Variants in GDPD4 observed in about 807,000 individuals in gnomAD.
GDPD4 encodes the protein glycerophosphodiester phosphodiesterase domain containing 4.
In GDPD4, 60 loss-of-function variants were observed where a neutral mutation model predicts 67.8. The ratio of observed to expected loss-of-function variants is 0.88; its 90% CI spans 0.72 to 1.10. The LOEUF is 1.10. Ranked by LOEUF, GDPD4 falls within the 50% of genes least tolerant of loss-of-function variation. GDPD4 has a pLI of 0.00. For synonymous variants in GDPD4, 212 were observed against 210.9 expected, an observed-to-expected ratio of 1.00 and a Z score of -0.04; for missense variants, 623 against 613.9, an observed-to-expected ratio of 1.01 and a Z score of -0.16.
chr11:77,248,348 A>C (rs1443543619), intron 11 of GDPD4, among the ~76,000 whole-genome samples: 70 of 151,766 alleles, frequency 4.6e-4, no homozygotes, highest in Non-Finnish European at 8.8e-4. Flanking sequence ...GATTACAGGC[A>C]TGCACGATGA....
intron 1 of GDPD4, among the ~76,000 whole-genome samples, chr11:77,290,350 A>G (rs1279409737): frequency 6.6e-6 from 1 of 152,230 alleles, no homozygotes; most frequent in African/African-American, 2.4e-5. Flanking sequence ...TCTCCAGGAT[A>G]GACTACATGT....
chr11:77,234,361 T>C (rs1328664072), intron 13 of GDPD4, among the ~76,000 whole-genome samples: 2 of 152,206 alleles, frequency 1.3e-5, no homozygotes, highest in Non-Finnish European at 2.9e-5. Context: ...ATTCCTTGTT[T>C]GTTTAAATTT....
In GDPD4 at chr11:77,216,858, T is replaced by C. The variant is rs1399172562; in HGVS notation, c.*419A>G. 1 of 647,340 alleles carries C rather than the reference T, an allele frequency of 1.5e-6. No homozygotes were observed. The highest frequency in any genetic ancestry group is 2.4e-5 in the Admixed American group (1 of 42,524). The allele number at this position is 647,340 out of a possible 1,614,324, so 40.1% of individuals were successfully genotyped here. A position where few individuals can be genotyped will look rare whatever the true frequency, so the allele number is the denominator to read the frequency against. ...TCTTCTTTGGAAACACAGAAGGCTA[T>C]GTCAGATGCAATGGAATATATTGTG... On this transcript the variant is annotated 3_prime_UTR_variant, in exon 17 of 17. Coordinates refer to ENST00000315938, the MANE Select transcript of GDPD4 (RefSeq NM_182833.3).
rs1476519522 is a variant in GDPD4 at position 77,300,227 on chromosome 11, G to A, written c.-254+1378C>T. On this transcript the variant is annotated intron_variant, in intron 1 of 16. Coordinates refer to ENST00000315938, the MANE Select transcript of GDPD4 (RefSeq NM_182833.3). Reference sequence around the variant, plus strand: ...GTCACTCTCTCTAAATTAGCCAATTGGAATTAGTTTAGCCTGTGCGGTCTA... The same window carrying A: ...GTCACTCTCTCTAAATTAGCCAATTAGAATTAGTTTAGCCTGTGCGGTCTA... 5.9e-5 allele frequency among the ~76,000 whole-genome samples: 9 copies of A among 152,012 alleles called. No homozygotes were observed. The East Asian group carries it at 1.7e-3, about 29-fold the overall frequency.
intron 10 of GDPD4, among the ~76,000 whole-genome samples, chr11:77,266,838 T>C (rs1392437800): frequency 6.6e-6 from 1 of 152,238 alleles, no homozygotes; most frequent in African/African-American, 2.4e-5. Context: ...TAGTTGTGCT[T>C]ACACTAAGTG....
At chr11:77,244,842 A>G (rs1466331692) in intron 12 of GDPD4, among the ~76,000 whole-genome samples, 1 of 152,224 alleles carries the variant, frequency 6.6e-6, no homozygotes, top group Non-Finnish European at 1.5e-5. Context: ...TGACTGCCCA[A>G]ATGCAGAGTT....
In GDPD4 at chr11:77,243,970, A is replaced by T. The variant is rs187751057; in HGVS notation, c.1087-122T>A. 5.9e-5 allele frequency: 39 copies of T among 661,734 alleles called. No homozygotes were observed. In the African/African-American group the frequency reaches 6.8e-4, roughly 12 times the overall value. 41.0% of individuals were successfully genotyped at this position (661,734 alleles called of 1,614,324 possible). On this transcript the variant is annotated intron_variant, in intron 12 of 16. Coordinates refer to ENST00000315938, the MANE Select transcript of GDPD4 (RefSeq NM_182833.3). ...AGTATTCTACAGAGAGTAGAGAGAG[A>T]GAGTCTAGTCCTTGGTGAAAGAGTC... is the stretch of plus-strand genomic sequence containing the variant.
chr11:77,279,189 C>G lies in GDPD4; in HGVS notation c.147+117G>C, dbSNP rs1591572230. On this transcript the variant is annotated intron_variant, in intron 4 of 16. Coordinates refer to ENST00000315938, the MANE Select transcript of GDPD4 (RefSeq NM_182833.3). ...AATGTAAATCCCAACTCTACTAAGA[C>G]AAGAGTGATCTTAGGTTCTGAGAGT... 5 of 625,464 alleles carry G rather than the reference C, an allele frequency of 8.0e-6. No individual in the cohort carries two copies. The East Asian group carries it at 1.4e-4, about 17-fold the overall frequency. 38.7% of individuals were successfully genotyped at this position (625,464 alleles called of 1,614,324 possible). A position where few individuals can be genotyped will look rare whatever the true frequency, so the allele number is the denominator to read the frequency against.
Position 77,267,815 on chromosome 11 carries a change from A to G in GDPD4, c.707+642T>C, listed in dbSNP as rs114367642. ...TTAGAGCAAAAGCTTTTCAGAATGAATTCCCTGGAATTTTCTCCTTCCCCC... is the reference window on the plus strand; with the variant it reads ...TTAGAGCAAAAGCTTTTCAGAATGAGTTCCCTGGAATTTTCTCCTTCCCCC... On this transcript the variant is annotated intron_variant, in intron 10 of 16. Coordinates refer to ENST00000315938, the MANE Select transcript of GDPD4 (RefSeq NM_182833.3). Among the ~76,000 whole-genome samples, 1,290 of 152,242 alleles carry G rather than the reference A, an allele frequency of 8.5e-3. 27 individuals carry two copies. Among genetic ancestry groups the G allele is most frequent in the African/African-American group, 0.03 (1,228 of 41,526 alleles).
intron 11 of GDPD4, among the ~76,000 whole-genome samples, chr11:77,256,240 T>C (rs1959001770): frequency 6.6e-6 from 1 of 152,228 alleles, no homozygotes; most frequent in Non-Finnish European, 1.5e-5. Context: ...AGGCTTTTCA[T>C]CTAGAACACA....
At chr11:77,257,590 CA>C (rs1959028892) in intron 11 of GDPD4, among the ~76,000 whole-genome samples, 3 of 150,968 alleles carry the variant, frequency 2.0e-5, no homozygotes, top group African/African-American at 4.9e-5. Flanking sequence ...CACACACACA[CA>C]CACCCTGTTG....
intron 16 of GDPD4, chr11:77,224,276 A>T (rs1023233019): frequency 1.3e-5 from 2 of 152,466 alleles, no homozygotes; most frequent in Non-Finnish European, 2.9e-5. Flanking sequence ...CTTCTGCGTC[A>T]ATCACGCTGG....
chr11:77,271,865 A>AT (rs1466864831), intron 5 of GDPD4, among the ~76,000 whole-genome samples: 3 of 152,180 alleles, frequency 2.0e-5, no homozygotes, highest in African/African-American at 7.2e-5. Flanking sequence ...TAATATTGGT[A>AT]TTTTTTATGA....
chr11:77,289,752 G>A (rs530699754), intron 1 of GDPD4, among the ~76,000 whole-genome samples: 10 of 147,568 alleles, frequency 6.8e-5, no homozygotes, highest in African/African-American at 2.3e-4. Context: ...AAGGCAGGCA[G>A]GCAGGGAAGG....
intron 12 of GDPD4, among the ~76,000 whole-genome samples, chr11:77,244,148 T>G (rs1958732825): frequency 6.6e-6 from 1 of 152,224 alleles, no homozygotes; most frequent in Non-Finnish European, 1.5e-5. Flanking sequence ...CCCAAGTAGC[T>G]GGGACTACAG....
chr11:77,286,882 G>T (rs970562891), intron 2 of GDPD4: 10 of 152,168 alleles, frequency 6.6e-5, no homozygotes, highest in African/African-American at 2.4e-4. Context: ...AGGCATCCCT[G>T]TAATCCGTAA....
intron 3 of GDPD4, among the ~76,000 whole-genome samples, chr11:77,279,835 G>T (rs1483298400): frequency 6.7e-6 from 1 of 148,894 alleles, no homozygotes; most frequent in Non-Finnish European, 1.5e-5. Context: ...TAAAAAAAAA[G>T]CCCCAATTTT....
At chr11:77,222,081 TCTTC>T (rs971194246) in intron 16 of GDPD4, among the ~76,000 whole-genome samples, 4 of 152,204 alleles carry the variant, frequency 2.6e-5, no homozygotes, top group Admixed American at 2.6e-4. Flanking sequence ...GCTTGGTAGA[TCTTC>T]CTCCCTCCCT....
At chr11:77,283,200 G>T (rs1793467) in intron 3 of GDPD4, among the ~76,000 whole-genome samples, 112,565 of 152,118 alleles carry the variant, frequency 0.74, 42,661 homozygotes, top group African/African-American at 0.91. Context: ...AAGCCATGCC[G>T]GTGGTCAGTG....
Sources: gnomAD v4.1 joint callset for allele counts (sites outside exome capture counted in the v4.1 genomes callset) on GRCh38, gnomAD v4.1.1 for gene constraint, MANE v1.5 for transcripts, NCBI Gene and HGNC (gene_info 2026-07-23, HGNC 2026-07-21) for gene names.